ZDHHC17: variants seen among roughly 807,000 people sequenced by gnomAD.
The protein encoded by ZDHHC17 is zDHHC palmitoyltransferase 17.
ZDHHC17 carries 40 observed loss-of-function variants against 90.3 expected under a neutral mutation model. The observed-to-expected ratio is 0.44, with a 90% CI of 0.34 to 0.58. The LOEUF (loss-of-function observed/expected upper bound fraction) is 0.58. Among genes scored for constraint, ZDHHC17 ranks in the 20% least tolerant of loss-of-function variants. The probability of loss-of-function intolerance (pLI) is 0.01; values close to 1 mark genes in which losing one functional copy is unlikely to be tolerated. For missense variants in ZDHHC17, 614 were observed against 780.8 expected (o/e 0.79, Z 2.55); for synonymous variants, 235 against 252.4 (o/e 0.93, Z 0.65).
intron 11 of ZDHHC17, 64 bp downstream of exon 11, chr12:76,842,170 A>G (rs1480201907): frequency 1.4e-6 from 2 of 1,409,602 alleles, no homozygotes; most frequent in Admixed American, 2.7e-5. Context: ...TACAGCAGAC[A>G]TTAGAGGACA....
intron 6 of ZDHHC17, 39 bp downstream of exon 6, chr12:76,815,249 A>T: frequency 1.5e-6 from 2 of 1,376,966 alleles, no homozygotes; most frequent in Non-Finnish European, 2.0e-6. Flanking sequence ...AGGCCATTTC[A>T]GCATAATACA....
chr12:76,833,118 C>A (rs1483310472), intron 10 of ZDHHC17, among the ~76,000 whole-genome samples: 1 of 152,106 alleles, frequency 6.6e-6, no homozygotes, highest in African/African-American at 2.4e-5. Context: ...ACTGTTTGTT[C>A]TAGTAAGTTC....
At chr12:76,841,503 CTATT>C (rs1052906686) in intron 10 of ZDHHC17, among the ~76,000 whole-genome samples, 12 of 151,898 alleles carry the variant, frequency 7.9e-5, no homozygotes, top group Non-Finnish European at 1.5e-4. Context: ...AACATATAAA[CTATT>C]TGTTTTAAGC....
At chr12:76,812,403 C>T (rs1370528751) in intron 5 of ZDHHC17, among the ~76,000 whole-genome samples, 1 of 151,972 alleles carries the variant, frequency 6.6e-6, no homozygotes, top group Non-Finnish European at 1.5e-5. Context: ...TATATTCTTT[C>T]CTCAGATAGT....
chr12:76,830,166 A>T (rs1427467893), intron 10 of ZDHHC17, among the ~76,000 whole-genome samples: 2 of 152,226 alleles, frequency 1.3e-5, no homozygotes, highest in East Asian at 1.9e-4. Context: ...ATTTTTCAAA[A>T]CATTACAAAA....
Position 76,815,131 on chromosome 12 carries a change from T to C in ZDHHC17, c.544-15T>C, listed in dbSNP as rs767983070. On this transcript the variant is annotated splice_polypyrimidine_tract_variant and intron_variant, in intron 5 of 16. Coordinates refer to ENST00000426126, the MANE Select transcript of ZDHHC17 (RefSeq NM_015336.4). Reference sequence around the variant, plus strand: ...TAATTTAACTGTCTGACTTTTTTTCTTTTTACTTTATCAGGATGTAGATAT... The same window carrying C: ...TAATTTAACTGTCTGACTTTTTTTCCTTTTACTTTATCAGGATGTAGATAT... 25 of 1,532,538 alleles carry C rather than the reference T, an allele frequency of 1.6e-5. No homozygotes were observed. The highest frequency in any genetic ancestry group is 2.2e-5 in the Non-Finnish European group (25 of 1,137,280). 94.9% of individuals were successfully genotyped at this position (1,532,538 alleles called of 1,614,324 possible). A position where few individuals can be genotyped will look rare whatever the true frequency, so the allele number is the denominator to read the frequency against.
chr12:76,804,707 A>G (rs899867524), intron 2 of ZDHHC17, among the ~76,000 whole-genome samples: 2 of 152,214 alleles, frequency 1.3e-5, no homozygotes, highest in Admixed American at 6.5e-5. Context: ...GCAACCCCAT[A>G]GTACTCGACC....
intron 4 of ZDHHC17, 30 bp downstream of exon 4, chr12:76,809,150 T>C (rs767161781): frequency 6.7e-7 from 1 of 1,487,586 alleles, no homozygotes; most frequent in South Asian, 1.4e-5. Context: ...TTTTTTTCCT[T>C]TGGTTCCTTT....
intron 1 of ZDHHC17, among the ~76,000 whole-genome samples, chr12:76,768,053 T>C (rs189020216): frequency 1.3e-3 from 204 of 152,360 alleles, no homozygotes; most frequent in African/African-American, 4.7e-3. Context: ...GAATATTAAC[T>C]AGGCTAATGT....
At chr12:76,797,389 C>T (rs763242051) in intron 1 of ZDHHC17, 45 bp from the exon 2 acceptor site, 1 of 1,365,980 alleles carries the variant, frequency 7.3e-7, no homozygotes, top group Non-Finnish European at 1.0e-6. Context: ...ATTTTCTGTA[C>T]CTCTTTTTTC....
At position 76,764,235 on chromosome 12, in the gene ZDHHC17, G is replaced by A; in HGVS notation, c.-2G>A. 6.3e-7 allele frequency: 1 copy of A among 1,589,286 alleles called. No homozygotes were observed. Among genetic ancestry groups the A allele is most frequent in the Non-Finnish European group, 8.6e-7 (1 of 1,167,320 alleles). On this transcript the variant is annotated 5_prime_UTR_variant, in exon 1 of 17. Coordinates refer to ENST00000426126, the MANE Select transcript of ZDHHC17 (RefSeq NM_015336.4). ...CGGGAGGGTGAAACGCTTTCTCCCA[G>A]CATGCAGCGGGAGGAGGGATTTAAC...
At chr12:76,808,868 T>A (rs1227633014) in intron 3 of ZDHHC17, among the ~76,000 whole-genome samples, 175 bp from the exon 4 acceptor site, 1 of 152,010 alleles carries the variant, frequency 6.6e-6, no homozygotes, top group Non-Finnish European at 1.5e-5. Context: ...AAGAGGTATT[T>A]GATATAAAAT....
At chr12:76,789,436 G>T (rs768855358) in intron 1 of ZDHHC17, among the ~76,000 whole-genome samples, 1 of 152,152 alleles carries the variant, frequency 6.6e-6, no homozygotes, top group Non-Finnish European at 1.5e-5. Context: ...TCTCAGTTCA[G>T]TTAGGACATG....
intron 1 of ZDHHC17, among the ~76,000 whole-genome samples, chr12:76,793,519 C>G (rs1390048363): frequency 6.6e-6 from 1 of 152,186 alleles, no homozygotes; most frequent in Non-Finnish European, 1.5e-5. Context: ...GGCTCTGCCT[C>G]AAAAGAAGGG....
At position 76,805,393 on chromosome 12, in the gene ZDHHC17, AC is replaced by A. The variant is rs1167667058; in HGVS notation, c.277del (p.Leu93SerfsTer11). The part of the protein sequence containing the change: ...DVRQPDKENV[T>X]LLHWAAINNR... ...ACGGCAACCGGACAAAGAAAATGTT[AC>A]CCTCCTCCATTGGGCTGCCATCAAT... On this transcript the variant is annotated frameshift_variant, in exon 3 of 17. Coordinates refer to ENST00000426126, the MANE Select transcript of ZDHHC17 (RefSeq NM_015336.4). LOFTEE classifies it high-confidence loss of function. 1 of 1,599,258 alleles carries A rather than the reference AC, an allele frequency of 6.3e-7. No individual in the cohort carries two copies. Among genetic ancestry groups the A allele is most frequent in the African/African-American group, 1.3e-5 (1 of 74,610 alleles).
intron 14 of ZDHHC17, among the ~76,000 whole-genome samples, chr12:76,847,435 A>G (rs1373746730): frequency 2.0e-5 from 3 of 152,262 alleles, no homozygotes; most frequent in Non-Finnish European, 4.4e-5. Flanking sequence ...AAAGATTAAT[A>G]GGAAGATTTG....
chr12:76,845,393 T>C (rs1339474896), intron 12 of ZDHHC17: 1 of 159,636 alleles, frequency 6.3e-6, no homozygotes, highest in Non-Finnish European at 1.4e-5. Flanking sequence ...ACTCAGAAAT[T>C]TGAGGGATGT....
intron 10 of ZDHHC17, among the ~76,000 whole-genome samples, chr12:76,829,222 G>A (rs1008876266): frequency 6.6e-6 from 1 of 152,008 alleles, no homozygotes; most frequent in South Asian, 2.1e-4. Flanking sequence ...ACTTTGGGAG[G>A]TCGAGGTGAG....
intron 1 of ZDHHC17, among the ~76,000 whole-genome samples, chr12:76,783,063 G>T (rs1952645144): frequency 6.6e-6 from 1 of 152,136 alleles, no homozygotes; most frequent in South Asian, 2.1e-4. Flanking sequence ...TGAGAAGAGG[G>T]CTCAGAGGAG....
Sources: allele counts gnomAD v4.1 joint callset (sites outside exome capture counted in the v4.1 genomes callset), GRCh38; gene constraint gnomAD v4.1.1; transcripts MANE v1.5; gene names NCBI Gene and HGNC (gene_info 2026-07-23, HGNC 2026-07-21).